ENTHD1: variants seen among roughly 807,000 people sequenced by gnomAD.
ENTHD1 encodes the protein ENTH domain containing 1.
In ENTHD1, 23 loss-of-function variants were observed where a neutral mutation model predicts 39.1. The observed-to-expected ratio is 0.59, with a 90% CI of 0.42 to 0.83. ENTHD1 has a LOEUF of 0.83. Ranked by LOEUF, ENTHD1 falls within the 40% of genes least tolerant of loss-of-function variation. The probability of loss-of-function intolerance (pLI) is 0.00; values close to 1 mark genes in which losing one functional copy is unlikely to be tolerated. For synonymous variants in ENTHD1, 230 were observed against 258.2 expected (o/e 0.89, Z 1.05); for missense variants, 624 against 705.4 (o/e 0.88, Z 1.31).
At chr22:39,804,748 A>C (rs2065627356) in intron 5 of ENTHD1, among the ~76,000 whole-genome samples, 4 of 152,180 alleles carry the variant, frequency 2.6e-5, no homozygotes, top group Admixed American at 2.6e-4. Flanking sequence ...TTCCCCAAGC[A>C]CAGGCTCCTA....
At chr22:39,799,312 T>C (rs571297210) in intron 5 of ENTHD1, among the ~76,000 whole-genome samples, 6 of 152,326 alleles carry the variant, frequency 3.9e-5, no homozygotes, top group African/African-American at 1.4e-4. Flanking sequence ...GCATGCACTA[T>C]GGCTTGTTTT....
In ENTHD1 at chr22:39,767,492, A is replaced by G. The variant is rs113649414; in HGVS notation, c.833-1883T>C. ...CAAAACAAAACAAAACAAAACACCC[A>G]AACGAATATATTCCTAGTTGAGTAC... is the stretch of plus-strand genomic sequence containing the variant. On this transcript the variant is annotated intron_variant, in intron 5 of 6. Coordinates refer to ENST00000325157, the MANE Select transcript of ENTHD1 (RefSeq NM_152512.4). 2.8e-4 allele frequency among the ~76,000 whole-genome samples: 42 copies of G among 152,246 alleles called. 1 individual carries two copies. The highest frequency in any genetic ancestry group is 9.4e-4 in the African/African-American group (39 of 41,560).
intron 4 of ENTHD1, among the ~76,000 whole-genome samples, chr22:39,824,129 C>G (rs1472432545): frequency 6.7e-6 from 1 of 149,174 alleles, no homozygotes; most frequent in African/African-American, 2.5e-5. Context: ...TTTTGCAGAG[C>G]AAACATTTTC....
intron 5 of ENTHD1, among the ~76,000 whole-genome samples, chr22:39,788,441 C>T (rs116310042): frequency 8.9e-4 from 136 of 152,266 alleles, no homozygotes; most frequent in African/African-American, 3.2e-3. Context: ...GACTGGATTG[C>T]TGTAATCTCA....
intron 6 of ENTHD1, chr22:39,751,197 A>C (rs2065144908): frequency 6.5e-6 from 1 of 153,852 alleles, no homozygotes; most frequent in African/African-American, 2.4e-5. Context: ...CAGAAACTTC[A>C]ACATTTGGAC....
At chr22:39,768,576 A>G (rs1338754979) in intron 5 of ENTHD1, among the ~76,000 whole-genome samples, 1 of 152,132 alleles carries the variant, frequency 6.6e-6, no homozygotes, top group Non-Finnish European at 1.5e-5. Flanking sequence ...CTCTGAGGTA[A>G]TATTTCTATA....
At chr22:39,745,600 T>C (rs2065097840) in intron 6 of ENTHD1, among the ~76,000 whole-genome samples, 1 of 152,188 alleles carries the variant, frequency 6.6e-6, no homozygotes, top group Non-Finnish European at 1.5e-5. Flanking sequence ...AAGCAGGAAC[T>C]TCATCAGCAC....
intron 4 of ENTHD1, among the ~76,000 whole-genome samples, chr22:39,831,366 G>A (rs1012172099): frequency 2.0e-5 from 3 of 152,192 alleles, no homozygotes; most frequent in Admixed American, 6.5e-5. Context: ...CTGGGTGTCA[G>A]GAGGAGGCAA....
intron 2 of ENTHD1, among the ~76,000 whole-genome samples, chr22:39,881,164 G>A (rs567289277): frequency 1.1e-4 from 16 of 152,256 alleles, no homozygotes; most frequent in Non-Finnish European, 1.8e-4. Context: ...ATTTTTAAAC[G>A]CTACGTTAGT....
At chr22:39,785,216 G>A (rs947354818) in intron 5 of ENTHD1, among the ~76,000 whole-genome samples, 3 of 152,180 alleles carry the variant, frequency 2.0e-5, no homozygotes, top group African/African-American at 2.4e-5. Context: ...AAATGCTGAT[G>A]GAGTGAGGTC....
intron 5 of ENTHD1, among the ~76,000 whole-genome samples, chr22:39,815,968 A>G (rs527818696): frequency 2.0e-5 from 3 of 152,352 alleles, no homozygotes; most frequent in African/African-American, 4.8e-5. Flanking sequence ...AAAGCAAGGA[A>G]TAATGAGTAA....
chr22:39,845,690 T>C (rs2065981414), intron 3 of ENTHD1, among the ~76,000 whole-genome samples: 1 of 152,228 alleles, frequency 6.6e-6, no homozygotes, highest in Non-Finnish European at 1.5e-5. Flanking sequence ...AATACAAAGC[T>C]AAGCATTTAA....
chr22:39,761,998 A>G (rs2146550227), intron 6 of ENTHD1, among the ~76,000 whole-genome samples: 1 of 152,292 alleles, frequency 6.6e-6, no homozygotes, highest in South Asian at 2.1e-4. Flanking sequence ...AAAATTTTAT[A>G]CTGGACATTT....
At chr22:39,760,593 T>C in intron 6 of ENTHD1, among the ~76,000 whole-genome samples, 1 of 152,046 alleles carries the variant, frequency 6.6e-6, no homozygotes. Context: ...TCCTCTTAAT[T>C]GGAAAGTTTA....
chr22:39,823,721 T>C (rs893020757), intron 4 of ENTHD1, among the ~76,000 whole-genome samples: 18 of 152,222 alleles, frequency 1.2e-4, no homozygotes, highest in African/African-American at 4.3e-4. Flanking sequence ...CACGTTTAGA[T>C]TTATTAAAAA....
chr22:39,871,143 C>A (rs920968520), intron 2 of ENTHD1, among the ~76,000 whole-genome samples: 1 of 151,030 alleles, frequency 6.6e-6, no homozygotes, highest in East Asian at 1.9e-4. Context: ...ACACTCCAAC[C>A]GGGGCAATGG....
chr22:39,764,777 T>C (rs931794729), intron 6 of ENTHD1, among the ~76,000 whole-genome samples: 3 of 151,424 alleles, frequency 2.0e-5, no homozygotes, highest in African/African-American at 7.3e-5. Context: ...CCCCTGCCCC[T>C]TTTGTGCAAT....
chr22:39,758,210 G>A (rs985726879), intron 6 of ENTHD1, among the ~76,000 whole-genome samples: 3 of 151,946 alleles, frequency 2.0e-5, no homozygotes, highest in Non-Finnish European at 4.4e-5. Flanking sequence ...TATCATCTTC[G>A]AATAAAAACA....
At chr22:39,876,097 T>C (rs1255653218) in intron 2 of ENTHD1, 1 of 1,607,554 alleles carries the variant, frequency 6.2e-7, no homozygotes, top group African/African-American at 1.3e-5. Context: ...CCAGTGACGA[T>C]ATGGTGATTG....
Sources: gnomAD v4.1 joint callset for allele counts (sites outside exome capture counted in the v4.1 genomes callset) on GRCh38, gnomAD v4.1.1 for gene constraint, MANE v1.5 for transcripts, NCBI Gene and HGNC (gene_info 2026-07-23, HGNC 2026-07-21) for gene names.